Variants in EML6 observed in about 807,000 individuals in gnomAD.
EML6 encodes echinoderm microtubule-associated protein-like 6.
Under a neutral mutation model 240.1 loss-of-function variants are expected in EML6, and 154 were observed. The ratio of observed to expected loss-of-function variants is 0.64; its 90% CI spans 0.56 to 0.73. The LOEUF is 0.73. Among genes scored for constraint, EML6 ranks in the 30% least tolerant of loss-of-function variants. EML6 has a pLI of 0.00. For synonymous variants in EML6, 1,148 were observed against 899.0 expected (o/e 1.28, Z -4.95); for missense variants, 2,964 against 2,474.6 (o/e 1.20, Z -4.20).
intron 2 of EML6, among the ~76,000 whole-genome samples, chr2:54,797,164 C>CCAAAAA (rs1669833891): frequency 2.3e-5 from 1 of 43,818 alleles, no homozygotes; most frequent in South Asian, 1.1e-3. Context: ...GACTCCATCT[C>CCAAAAA]AAAAAAAAAA....
intron 2 of EML6, among the ~76,000 whole-genome samples, chr2:54,766,226 G>A (rs1255325570): frequency 6.6e-6 from 1 of 152,158 alleles, no homozygotes; most frequent in Non-Finnish European, 1.5e-5. Flanking sequence ...TTAAACAATA[G>A]CTGATGTATA....
At chr2:54,816,657 A>C in intron 3 of EML6, 130 bp from the exon 4 acceptor site, 3 of 685,030 alleles carry the variant, frequency 4.4e-6, no homozygotes, top group Non-Finnish European at 5.0e-6. Flanking sequence ...GGGGTTTAAG[A>C]TGGGTTTTGA....
At chr2:54,916,429 C>T (rs1249962400) in intron 25 of EML6, among the ~76,000 whole-genome samples, 2 of 152,168 alleles carry the variant, frequency 1.3e-5, no homozygotes, top group Admixed American at 6.5e-5. Context: ...TCAGTGCTGG[C>T]GTTGGGGAAT....
chr2:54,731,309 G>T (rs540182268), intron 2 of EML6, among the ~76,000 whole-genome samples: 1 of 152,236 alleles, frequency 6.6e-6, no homozygotes, highest in African/African-American at 2.4e-5. Flanking sequence ...TTCAGTTATT[G>T]TTGTGGATAC....
rs907634748 is a variant in EML6 at position 54,876,504 on chromosome 2, C to G, written c.2345-3043C>G. Among the ~76,000 whole-genome samples, 4 of 152,146 alleles carry G rather than the reference C, an allele frequency of 2.6e-5. No individual in the cohort carries two copies. The East Asian group carries it at 7.7e-4, about 29-fold the overall frequency. ...TCCTAAAATAAAAGCTCACCTCTTA[C>G]CCCGGCAAAATCAGCTTATCCTTAG... On this transcript the variant is annotated intron_variant, in intron 16 of 41. Coordinates refer to ENST00000356458, the MANE Select transcript of EML6 (RefSeq NM_001039753.4).
chr2:54,807,755 TA>T (rs1462717473), intron 2 of EML6, among the ~76,000 whole-genome samples: 1 of 152,236 alleles, frequency 6.6e-6, no homozygotes, highest in African/African-American at 2.4e-5. Context: ...ATAATTTATG[TA>T]ATTGTAAATC....
rs6734817 is a variant in EML6, at chr2:54,797,722, T to C, written c.198-15510T>C. ...GACTGTACTGTGGAAAGGCAGCCTG[T>C]GTAGAGGTTATAAGCACCAGCTTTA... On this transcript the variant is annotated intron_variant, in intron 2 of 41. Transcript: ENST00000356458. 5.6e-3 allele frequency among the ~76,000 whole-genome samples: 847 copies of C among 152,310 alleles called. 9 individuals carry two copies. Among genetic ancestry groups the C allele is most frequent in the African/African-American group, 0.019 (807 of 41,562 alleles).
chr2:54,929,806 G>A (rs191712356), intron 28 of EML6, among the ~76,000 whole-genome samples: 17 of 152,072 alleles, frequency 1.1e-4, no homozygotes, highest in Admixed American at 6.5e-4. Flanking sequence ...TGAATCTAAT[G>A]CAAAAAAGCC....
intron 2 of EML6, among the ~76,000 whole-genome samples, chr2:54,783,838 C>A (rs1040723009): frequency 6.6e-6 from 1 of 152,052 alleles, no homozygotes; most frequent in African/African-American, 2.4e-5. Context: ...ACTGTACATG[C>A]TATTTTGTAT....
intron 16 of EML6, among the ~76,000 whole-genome samples, chr2:54,875,926 G>A (rs530726002): frequency 2.6e-5 from 4 of 152,220 alleles, no homozygotes; most frequent in South Asian, 4.2e-4. Flanking sequence ...TTCCATAAGG[G>A]CACATCTAAG....
At chr2:54,807,370 G>T (rs370668690) in intron 2 of EML6, among the ~76,000 whole-genome samples, 4 of 152,198 alleles carry the variant, frequency 2.6e-5, no homozygotes, top group African/African-American at 9.7e-5. Context: ...GAATATTGAG[G>T]ACGTTTTCTC....
intron 2 of EML6, among the ~76,000 whole-genome samples, chr2:54,786,593 G>GT (rs1003922602): frequency 5.3e-5 from 8 of 152,214 alleles, no homozygotes; most frequent in African/African-American, 1.9e-4. Flanking sequence ...GAGGTGGACA[G>GT]TTTACACAAG....
intron 26 of EML6, among the ~76,000 whole-genome samples, chr2:54,926,314 C>T (rs576946245): frequency 5.0e-4 from 76 of 152,312 alleles, no homozygotes; most frequent in African/African-American, 1.6e-3. Flanking sequence ...GTTGGCCAGG[C>T]TGGTCTTGAA....
chr2:54,789,710 A>G (rs558113740), intron 2 of EML6, among the ~76,000 whole-genome samples: 1 of 152,214 alleles, frequency 6.6e-6, no homozygotes, highest in South Asian at 2.1e-4. Context: ...TATCCTCATG[A>G]TATCCAGAAG....
At chr2:54,787,073 T>C (rs1669132029) in intron 2 of EML6, among the ~76,000 whole-genome samples, 1 of 152,138 alleles carries the variant, frequency 6.6e-6, no homozygotes. Context: ...GTGTGCCCAC[T>C]GAGGTCTCCA....
chr2:54,771,821 C>A (rs896161843), intron 2 of EML6, among the ~76,000 whole-genome samples: 1 of 152,178 alleles, frequency 6.6e-6, no homozygotes, highest in African/African-American at 2.4e-5. Flanking sequence ...CTGATAGTTT[C>A]ATTTGTGTTA....
chr2:54,741,716 A>G (rs1412656639), intron 2 of EML6, among the ~76,000 whole-genome samples: 1 of 152,258 alleles, frequency 6.6e-6, no homozygotes, highest in African/African-American at 2.4e-5. Flanking sequence ...CATGAGAGCC[A>G]GCTTGAAGGG....
intron 7 of EML6, among the ~76,000 whole-genome samples, chr2:54,841,424 C>A (rs368655263): frequency 6.6e-6 from 1 of 152,064 alleles, no homozygotes; most frequent in Non-Finnish European, 1.5e-5. Flanking sequence ...AAGCCTTATG[C>A]CTTGAAAAAC....
rs550511342 is a variant in EML6, at chr2:54,916,746, C to T, written c.3499-13C>T. On this transcript the variant is annotated splice_polypyrimidine_tract_variant and intron_variant, in intron 25 of 41. Transcript: ENST00000356458. ...GTTGTGCAAAAATATCATTCTCTTT[C>T]GTTCTTTTTCAGATCGAGAAGATAG... is the stretch of plus-strand genomic sequence containing the variant. 26 of 1,476,158 alleles carry T rather than the reference C, an allele frequency of 1.8e-5. No homozygotes were observed. The highest frequency in any genetic ancestry group is 5.6e-5 in the African/African-American group (4 of 71,486). The allele number at this position is 1,476,158 out of a possible 1,614,324, so 91.4% of individuals were successfully genotyped here.
Sources: gnomAD v4.1 joint callset for allele counts (sites outside exome capture counted in the v4.1 genomes callset) on GRCh38, gnomAD v4.1.1 for gene constraint, MANE v1.5 for transcripts, NCBI Gene and HGNC (gene_info 2026-07-23, HGNC 2026-07-21) for gene names.